Variants in BANF1 observed in about 807,000 individuals in gnomAD.
BANF1 encodes barrier-to-autointegration factor.
For synonymous variants in BANF1, 49 were observed against 43.7 expected (o/e 1.12, Z -0.48); for missense variants, 47 against 110.4 (o/e 0.43, Z 2.57).
intron 1 of BANF1, 54 bp from the exon 2 acceptor site, chr11:66,003,181 C>T: frequency 6.3e-7 from 1 of 1,594,558 alleles, no homozygotes; most frequent in Non-Finnish European, 8.6e-7. Flanking sequence ...GCTCGTGGGC[C>T]CTTAGAAGTT....
chr11:66,003,456 A>T, intron 2 of BANF1, 83 bp downstream of exon 2: 1 of 1,611,276 alleles, frequency 6.2e-7, no homozygotes, highest in Non-Finnish European at 8.5e-7. Flanking sequence ...ACAGTAAGGT[A>T]TAATCTGAAG....
Position 66,003,817 on chromosome 11 carries a change from G to T in BANF1, c.*45G>T, listed in dbSNP as rs779626661. The T allele has an allele frequency of 6.2e-7, 1 of 1,612,876 alleles. No homozygotes were observed. Among genetic ancestry groups the T allele is most frequent in the Admixed American group, 1.7e-5 (1 of 59,996 alleles). On this transcript the variant is annotated 3_prime_UTR_variant, in exon 3 of 3. Coordinates refer to ENST00000312175, the MANE Select transcript of BANF1 (RefSeq NM_003860.4). Reference sequence around the variant, plus strand: ...AATCCCCAGCCCTCATCCAGAGTTTGCAGCCGAGTAGGGACTCCTCCCCTG... The same window carrying T: ...AATCCCCAGCCCTCATCCAGAGTTTTCAGCCGAGTAGGGACTCCTCCCCTG...
In BANF1 at chr11:66,003,830, G is replaced by C. The variant is rs1178103601; in HGVS notation, c.*58G>C. The C allele has an allele frequency of 6.2e-7, 1 of 1,609,972 alleles. No homozygotes were observed. The highest frequency in any genetic ancestry group is 1.3e-5 in the African/African-American group (1 of 74,758). The stretch of plus-strand genomic sequence containing the variant: ...CATCCAGAGTTTGCAGCCGAGTAGG[G>C]ACTCCTCCCCTGTCCTCTACGAAGG... On this transcript the variant is annotated 3_prime_UTR_variant, in exon 3 of 3. Coordinates refer to ENST00000312175, the MANE Select transcript of BANF1 (RefSeq NM_003860.4).
rs766514105 is a variant in BANF1, at chr11:66,003,776, T to C, written c.*4T>C. 2 of 1,613,834 alleles carry C rather than the reference T, an allele frequency of 1.2e-6. No homozygotes were observed. The highest frequency in any genetic ancestry group is 4.5e-5 in the East Asian group (2 of 44,856). On this transcript the variant is annotated 3_prime_UTR_variant, in exon 3 of 3. Transcript: ENST00000312175. ...GTGGTGCGACGCCTTCTTGTGATGC[T>C]CTCTGGGAAGCTCTCAATCCCCAGC... is the stretch of plus-strand genomic sequence containing the variant.
intron 2 of BANF1, 65 bp from the exon 3 acceptor site, chr11:66,003,561 C>CCA: frequency 6.2e-7 from 1 of 1,606,172 alleles, no homozygotes; most frequent in Non-Finnish European, 8.5e-7. Context: ...ACAGGAATGG[C>CCA]TGTCTTGCTC....
rs1856076384 is a variant in BANF1 at position 66,003,933 on chromosome 11, T to G, written c.*161T>G. ...AGTTTTCTCCCCTAACCATTTCAAC[T>G]TTTTTTTGGATTCTCGCTCTTGCAT... On this transcript the variant is annotated 3_prime_UTR_variant, in exon 3 of 3. Coordinates refer to ENST00000312175, the MANE Select transcript of BANF1 (RefSeq NM_003860.4). 1 of 962,496 alleles carries G rather than the reference T, an allele frequency of 1.0e-6. No homozygotes were observed. The highest frequency in any genetic ancestry group is 2.4e-5 in the Admixed American group (1 of 40,882). 59.6% of individuals were successfully genotyped at this position (962,496 alleles called of 1,614,324 possible).
At chr11:66,002,980 C>T (rs1856039458) in intron 1 of BANF1, 3 of 469,962 alleles carry the variant, frequency 6.4e-6, no homozygotes, top group South Asian at 4.2e-5. Context: ...TTTCCACTGC[C>T]CCGCTTGCGC....
chr11:66,002,865 C>T (rs936436742), intron 1 of BANF1: 15 of 326,312 alleles, frequency 4.6e-5, no homozygotes, highest in African/African-American at 8.6e-5. Flanking sequence ...GGTTAGCTTT[C>T]CACGCCAAGT....
chr11:66,003,338 C>T lies in BANF1; in HGVS notation c.88C>T (p.Leu30=). The T allele has an allele frequency of 6.2e-7, 1 of 1,613,520 alleles. No individual in the cohort carries two copies. The highest frequency in any genetic ancestry group is 8.5e-7 in the Non-Finnish European group (1 of 1,179,814). Reference sequence around the variant, plus strand: ...GAGCCTGGCTGGGATTGGTGAAGTCCTGGGCAAGAAGCTGGAGGAAAGGGG... The same window carrying T: ...GAGCCTGGCTGGGATTGGTGAAGTCTTGGGCAAGAAGCTGGAGGAAAGGGG... The part of the protein sequence containing the change: ...VGSLAGIGEV[L]GKKLEERGFD... Residue 30 remains leucine (L), a synonymous_variant, in exon 2 of 3, where the codon CTG becomes TTG. Coordinates refer to ENST00000312175, the MANE Select transcript of BANF1 (RefSeq NM_003860.4).
chr11:66,003,181 C>G (rs2134970969), intron 1 of BANF1, 54 bp from the exon 2 acceptor site: 1 of 1,594,558 alleles, frequency 6.3e-7, no homozygotes, highest in Non-Finnish European at 8.6e-7. Flanking sequence ...GCTCGTGGGC[C>G]CTTAGAAGTT....
At position 66,003,527 on chromosome 11, in the gene BANF1, C is replaced by T. The variant is rs959236714; in HGVS notation, c.124-99C>T. The T allele has an allele frequency of 5.0e-6, 8 of 1,611,768 alleles. No individual in the cohort carries two copies. In the Middle Eastern group the frequency reaches 6.6e-4, roughly 133 times the overall value. ...AGGGGGGCAAAACCCGCGCTGCTTC[C>T]TGGGCTTGTGTGCTCTGAATGGCAC... On this transcript the variant is annotated intron_variant, in intron 2 of 2. Transcript: ENST00000312175.
At chr11:66,003,502 A>AC in intron 2 of BANF1, 124 bp from the exon 3 acceptor site, 2 of 1,608,244 alleles carry the variant, frequency 1.2e-6, no homozygotes, top group South Asian at 2.2e-5. Flanking sequence ...TGGAGAGGAG[A>AC]GGGGGGCAAA....
chr11:66,003,216 T>G lies in BANF1; in HGVS notation c.-16-19T>G, dbSNP rs1013739012. 2 of 1,562,082 alleles carry G rather than the reference T, an allele frequency of 1.3e-6. No homozygotes were observed. Among genetic ancestry groups the G allele is most frequent in the East Asian group, 2.3e-5 (1 of 43,852 alleles). ...TCCAGGTCTTCAGCCCTAATCTGCCTTTTTTTTGGGATTCCTAGATTAAGC... is the reference window on the plus strand; with the variant it reads ...TCCAGGTCTTCAGCCCTAATCTGCCGTTTTTTTGGGATTCCTAGATTAAGC... On this transcript the variant is annotated intron_variant, in intron 1 of 2. Transcript: ENST00000312175.
chr11:66,003,422 G>A (rs372318769), intron 2 of BANF1, 49 bp downstream of exon 2: 14 of 1,613,292 alleles, frequency 8.7e-6, no homozygotes, highest in Admixed American at 1.7e-5. Flanking sequence ...TGGAAGGGAA[G>A]TGATTCCATC....
chr11:66,003,477 A>G, intron 2 of BANF1, 104 bp downstream of exon 2: 2 of 1,608,594 alleles, frequency 1.2e-6, no homozygotes, highest in Non-Finnish European at 1.7e-6. Context: ...AGGCTGCCAG[A>G]GCCTGGGCAC....
intron 2 of BANF1, 122 bp from the exon 3 acceptor site, chr11:66,003,504 G>A: frequency 1.2e-6 from 2 of 1,609,240 alleles, no homozygotes; most frequent in Non-Finnish European, 8.5e-7. Context: ...GAGAGGAGAG[G>A]GGGGCAAAAC....
At position 66,003,777 on chromosome 11, in the gene BANF1, C is replaced by T. The variant is rs775225097; in HGVS notation, c.*5C>T. The T allele has an allele frequency of 1.5e-5, 24 of 1,613,912 alleles. No individual in the cohort carries two copies. The highest frequency in any genetic ancestry group is 1.9e-5 in the Non-Finnish European group (23 of 1,179,992). On this transcript the variant is annotated 3_prime_UTR_variant, in exon 3 of 3. Coordinates refer to ENST00000312175, the MANE Select transcript of BANF1 (RefSeq NM_003860.4). ...TGGTGCGACGCCTTCTTGTGATGCTCTCTGGGAAGCTCTCAATCCCCAGCC... is the reference window on the plus strand; with the variant it reads ...TGGTGCGACGCCTTCTTGTGATGCTTTCTGGGAAGCTCTCAATCCCCAGCC...
chr11:66,002,836 G>A, intron 1 of BANF1: 1 of 292,850 alleles, frequency 3.4e-6, no homozygotes, highest in South Asian at 3.1e-5. Context: ...GCTTCGCCCT[G>A]TAGGTAGAGA....
At chr11:66,003,563 G>A in intron 2 of BANF1, 63 bp from the exon 3 acceptor site, 1 of 1,602,622 alleles carries the variant, frequency 6.2e-7, no homozygotes, top group Non-Finnish European at 8.5e-7. Context: ...AGGAATGGCT[G>A]TCTTGCTCTT....
Sources: allele counts gnomAD v4.1 joint callset, GRCh38; gene constraint gnomAD v4.1.1; transcripts MANE v1.5; gene names NCBI Gene and HGNC (gene_info 2026-07-23, HGNC 2026-07-21).